Variants in PLEKHA8 observed in about 807,000 individuals in gnomAD.
The protein encoded by PLEKHA8 is pleckstrin homology domain-containing family A member 8.
Under a neutral mutation model 68.2 loss-of-function variants are expected in PLEKHA8, and 36 were observed. The observed-to-expected ratio is 0.53, with a 90% CI of 0.40 to 0.70. PLEKHA8 has a LOEUF of 0.70. PLEKHA8 is among the 30% of genes least tolerant of loss of function. The pLI, the probability that PLEKHA8 is intolerant of heterozygous loss-of-function variation, is 0.00. For synonymous variants in PLEKHA8, 211 were observed against 216.1 expected (o/e 0.98, Z 0.20); for missense variants, 505 against 615.4 (o/e 0.82, Z 1.90).
intron 9 of PLEKHA8, among the ~76,000 whole-genome samples, chr7:30,057,452 T>G (rs1793084258): frequency 2.0e-5 from 3 of 151,834 alleles, no homozygotes; most frequent in Admixed American, 2.0e-4. Context: ...GTTTGTAGTT[T>G]GGGACTCTTT....
Position 30,082,407 on chromosome 7 carries a change from G to T in PLEKHA8, c.*3620G>T. 2.0e-6 allele frequency: 2 copies of T among 985,410 alleles called. No individual in the cohort carries two copies. The highest frequency in any genetic ancestry group is 1.2e-6 in the Non-Finnish European group (1 of 829,960). 61.0% of individuals were successfully genotyped at this position (985,410 alleles called of 1,614,324 possible). On this transcript the variant is annotated 3_prime_UTR_variant, in exon 14 of 14. Coordinates refer to ENST00000449726, the MANE Select transcript of PLEKHA8 (RefSeq NM_001197026.2). ...GTATCTGGCACCACCTTAGCCCAGGGCTGCGTGCCTGATCAGTGGGGATTC... is the reference window on the plus strand; with the variant it reads ...GTATCTGGCACCACCTTAGCCCAGGTCTGCGTGCCTGATCAGTGGGGATTC...
chr7:30,031,631 G>A (rs1468297239), intron 1 of PLEKHA8, among the ~76,000 whole-genome samples: 5 of 152,218 alleles, frequency 3.3e-5, no homozygotes, highest in Non-Finnish European at 7.3e-5. Context: ...GTGTGTGCAT[G>A]TGGGTACATG....
At chr7:30,122,292 A>C (rs1394710614) in intron 13 of PLEKHA8, among the ~76,000 whole-genome samples, 1 of 152,092 alleles carries the variant, frequency 6.6e-6, no homozygotes. Flanking sequence ...AAGACCCTAA[A>C]ACCGTTATCT....
At chr7:30,109,454 G>C (rs919059717) in intron 13 of PLEKHA8, among the ~76,000 whole-genome samples, 1 of 151,718 alleles carries the variant, frequency 6.6e-6, no homozygotes. Flanking sequence ...TGGGCGTGGT[G>C]GTGGATGCCT....
At chr7:30,068,476 G>A (rs1175702641) in intron 12 of PLEKHA8, among the ~76,000 whole-genome samples, 1 of 152,154 alleles carries the variant, frequency 6.6e-6, no homozygotes, top group African/African-American at 2.4e-5. Flanking sequence ...AAGTAAGGTT[G>A]AGTAGCTTTT....
chr7:30,074,246 T>TGTGTGTGTGTG (rs1794461707), intron 13 of PLEKHA8, 114 bp downstream of exon 13: 4 of 488,436 alleles, frequency 8.2e-6, no homozygotes, highest in South Asian at 4.1e-5. Context: ...AGAAACAAAG[T>TGTGTGTGTGTG]TGTGTGTGTG....
rs1358775819 is a variant in PLEKHA8, at chr7:30,080,646, A to G, written c.*1859A>G. 4.1e-6 allele frequency: 4 copies of G among 985,202 alleles called. No homozygotes were observed. The highest frequency in any genetic ancestry group is 3.5e-5 in the African/African-American group (2 of 57,218). The allele number at this position is 985,202 out of a possible 1,614,324, so 61.0% of individuals were successfully genotyped here. On this transcript the variant is annotated 3_prime_UTR_variant, in exon 14 of 14. Coordinates refer to ENST00000449726, the MANE Select transcript of PLEKHA8 (RefSeq NM_001197026.2). ...CTTAAACTTGAAAAATCAACATCAC[A>G]TGTTTTAAAGCTAGGGAGAAAGAAG...
In PLEKHA8 at chr7:30,059,355, T is replaced by C. The variant is rs538634842; in HGVS notation, c.1040-1529T>C. 3.3e-5 allele frequency among the ~76,000 whole-genome samples: 5 copies of C among 152,362 alleles called. No individual in the cohort carries two copies. In the South Asian group the frequency reaches 1.0e-3, roughly 32 times the overall value. On this transcript the variant is annotated intron_variant, in intron 9 of 13. Transcript: ENST00000449726. ...CAAATTATGTTTATATGCTGAGTTG[T>C]TTTTATAATCATGAATGAGTTAACT...
intron 13 of PLEKHA8, among the ~76,000 whole-genome samples, chr7:30,126,401 T>C (rs913297937): frequency 6.6e-6 from 1 of 152,226 alleles, no homozygotes; most frequent in Non-Finnish European, 1.5e-5. Context: ...TCTGGAGAAC[T>C]GCTAACCTAA....
At chr7:30,102,748 C>T (rs59821258) in intron 13 of PLEKHA8, among the ~76,000 whole-genome samples, 36,457 of 152,068 alleles carry the variant, frequency 0.24, 4,964 homozygotes, top group African/African-American at 0.37. Context: ...GGAAGCAAAT[C>T]AGAGATTACC....
intron 13 of PLEKHA8, among the ~76,000 whole-genome samples, chr7:30,121,539 G>A (rs1171129834): frequency 3.9e-5 from 6 of 152,224 alleles, no homozygotes; most frequent in African/African-American, 1.4e-4. Context: ...TGAGGCAGGA[G>A]AATCGCTTGA....
At chr7:30,043,580 A>G (rs540579799) in intron 1 of PLEKHA8, among the ~76,000 whole-genome samples, 17 of 152,236 alleles carry the variant, frequency 1.1e-4, no homozygotes, top group Non-Finnish European at 2.2e-4. Context: ...AGTAAGAGAC[A>G]TGGTACCTGG....
At chr7:30,100,246 T>C (rs555737813) in intron 13 of PLEKHA8, among the ~76,000 whole-genome samples, 3 of 152,128 alleles carry the variant, frequency 2.0e-5, no homozygotes, top group Non-Finnish European at 4.4e-5. Flanking sequence ...TACCAGAGAT[T>C]AGGATTTAAA....
chr7:30,124,345 A>G (rs758811990), intron 13 of PLEKHA8, among the ~76,000 whole-genome samples: 35 of 152,216 alleles, frequency 2.3e-4, no homozygotes, highest in Non-Finnish European at 4.4e-4. Context: ...CATAAATAAT[A>G]TCTTAGTATT....
Position 30,128,109 on chromosome 7 carries a change from T to C in PLEKHA8, c.1363-1157T>C, listed in dbSNP as rs1263776963. Among the ~76,000 whole-genome samples the C allele has an allele frequency of 3.5e-4, 53 of 151,290 alleles. 1 individual carries two copies. The highest frequency in any genetic ancestry group is 1.2e-3 in the African/African-American group (49 of 41,286). On this transcript the variant is annotated intron_variant, in intron 13 of 13. Coordinates refer to the PLEKHA8 transcript ENST00000396257. Reference sequence around the variant, plus strand: ...TTACTGTATTTTTTTTTTTTTTTTTTTTACTTATTTATTTTGAGACAAGGT... The same window carrying C: ...TTACTGTATTTTTTTTTTTTTTTTTCTTACTTATTTATTTTGAGACAAGGT...
rs373990688 is a variant in PLEKHA8 at position 30,070,586 on chromosome 7, C to T, written c.1301-3485C>T. On this transcript the variant is annotated intron_variant, in intron 12 of 13. Transcript: ENST00000449726. Reference sequence around the variant, plus strand: ...TTTGAGACAGAGTTTCTATGTCGCCCTGGCTGCTGGACTGCAGTGGCGTGA... The same window carrying T: ...TTTGAGACAGAGTTTCTATGTCGCCTTGGCTGCTGGACTGCAGTGGCGTGA... Among the ~76,000 whole-genome samples, 62 of 151,432 alleles carry T rather than the reference C, an allele frequency of 4.1e-4. 1 individual carries two copies. The highest frequency in any genetic ancestry group is 1.3e-3 in the African/African-American group (55 of 41,264).
chr7:30,065,493 T>G (rs997626079), intron 12 of PLEKHA8, among the ~76,000 whole-genome samples: 4 of 151,196 alleles, frequency 2.6e-5, no homozygotes, highest in African/African-American at 9.7e-5. Context: ...TACACAATAG[T>G]TACTCAGAAC....
rs949085402 is a variant in PLEKHA8, at chr7:30,127,086, CCTT to C, written c.1363-2176_1363-2174del. Among the ~76,000 whole-genome samples the C allele has an allele frequency of 3.8e-4, 58 of 152,342 alleles. 1 individual carries two copies. The highest frequency in any genetic ancestry group is 3.4e-3 in the Middle Eastern group (1 of 294). Reference sequence around the variant, plus strand: ...TAAAAGCTCAATAAGAATATCTTCTCCTTCTTACTAGGATATAATTGGATGAAT... The same window carrying C: ...TAAAAGCTCAATAAGAATATCTTCTCCTTACTAGGATATAATTGGATGAAT... On this transcript the variant is annotated intron_variant, in intron 13 of 13. Coordinates refer to the PLEKHA8 transcript ENST00000396257.
chr7:30,070,325 A>G (rs992943501), intron 12 of PLEKHA8, among the ~76,000 whole-genome samples: 2 of 152,158 alleles, frequency 1.3e-5, no homozygotes. Flanking sequence ...ACTAGGGCCA[A>G]GTGGGAAGAC....
Sources: gnomAD v4.1 joint callset for allele counts (sites outside exome capture counted in the v4.1 genomes callset) on GRCh38, gnomAD v4.1.1 for gene constraint, MANE v1.5 for transcripts, NCBI Gene and HGNC (gene_info 2026-07-23, HGNC 2026-07-21) for gene names.